Variants in RET observed in about 807,000 individuals in gnomAD.
RET encodes ret proto-oncogene, also known as proto-oncogene tyrosine-protein kinase receptor Ret.
Under a neutral mutation model 118.3 loss-of-function variants are expected in RET, and 19 were observed. The observed-to-expected ratio is 0.16, with a 90% CI of 0.11 to 0.24. The LOEUF (loss-of-function observed/expected upper bound fraction) is 0.24. Among genes scored for constraint, RET ranks in the 10% least tolerant of loss-of-function variants. The pLI, the probability that RET is intolerant of heterozygous loss-of-function variation, is 1.00. For synonymous variants in RET, 597 were observed against 644.1 expected, an observed-to-expected ratio of 0.93 and a Z score of 1.11; for missense variants, 1,219 against 1,502.1, an observed-to-expected ratio of 0.81 and a Z score of 3.12.
At chr10:43,111,184 G>GGTGTT in intron 6 of RET, 23 bp from the exon 7 acceptor site, 1 of 1,613,054 alleles carries the variant, frequency 6.2e-7, no homozygotes, top group Non-Finnish European at 8.5e-7. Flanking sequence ...GCCTGGCTAA[G>GGTGTT]GTGTTCCCCT....
Position 43,126,734 on chromosome 10 carries a change from C to A in RET, c.3187+12C>A, listed in dbSNP as rs897706317. On this transcript the variant is annotated intron_variant, in intron 19 of 19. Transcript: ENST00000355710. ...AAACAAACTCTATGGTAGAATTTCC[C>A]ATGCATTTACTAGATTCTAGCACCG... 6.2e-7 allele frequency: 1 copy of A among 1,613,724 alleles called. No homozygotes were observed. Among genetic ancestry groups the A allele is most frequent in the East Asian group, 2.2e-5 (1 of 44,880 alleles).
chr10:43,107,574 C>G (rs1304261043), intron 5 of RET, among the ~76,000 whole-genome samples: 3 of 149,610 alleles, frequency 2.0e-5, no homozygotes, highest in African/African-American at 7.6e-5. Context: ...CACACACACA[C>G]ACACACACAC....
rs1372812806 is a variant in RET, at chr10:43,122,501, C to T, written c.2801+485C>T. Among the ~76,000 whole-genome samples, 11 of 152,296 alleles carry T rather than the reference C, an allele frequency of 7.2e-5. No individual in the cohort carries two copies. The South Asian group carries it at 2.1e-3, about 29-fold the overall frequency. On this transcript the variant is annotated intron_variant, in intron 16 of 19. Coordinates refer to ENST00000355710, the MANE Select transcript of RET (RefSeq NM_020975.6). Reference sequence around the variant, plus strand: ...GCCCCAAACTGCTCAAAGGTGGAAGCCAAAATCTCATTCTTCCAGGTCCAA... The same window carrying T: ...GCCCCAAACTGCTCAAAGGTGGAAGTCAAAATCTCATTCTTCCAGGTCCAA...
intron 10 of RET, among the ~76,000 whole-genome samples, 169 bp downstream of exon 10, chr10:43,113,844 G>A (rs1240934344): frequency 6.6e-6 from 1 of 152,194 alleles, no homozygotes; most frequent in Non-Finnish European, 1.5e-5. Flanking sequence ...AGGGGCCAGG[G>A]CCCCTGTAAA....
intron 1 of RET, among the ~76,000 whole-genome samples, chr10:43,098,638 T>C (rs1225554592): frequency 6.6e-6 from 1 of 152,208 alleles, no homozygotes; most frequent in Admixed American, 6.5e-5. Flanking sequence ...GCTAGGCTGA[T>C]CTTAAACTCC....
intron 1 of RET, among the ~76,000 whole-genome samples, chr10:43,090,906 G>A (rs1421258607): frequency 2.0e-5 from 3 of 150,764 alleles, no homozygotes; most frequent in East Asian, 2.0e-4. Context: ...GGGCGCTCTC[G>A]TGCCTGGATG....
intron 1 of RET, among the ~76,000 whole-genome samples, chr10:43,093,613 A>T (rs1002414694): frequency 1.3e-4 from 20 of 152,110 alleles, no homozygotes; most frequent in Non-Finnish European, 2.4e-4. Flanking sequence ...CAGAGGAGGA[A>T]ACCAGCCGAG....
At chr10:43,119,814 C>A in intron 14 of RET, 69 bp downstream of exon 14, 1 of 1,509,534 alleles carries the variant, frequency 6.6e-7, no homozygotes, top group Non-Finnish European at 9.1e-7. Context: ...ACGCCCCTGC[C>A]ACCCACACCC....
Position 43,121,876 on chromosome 10 carries a change from C to T in RET, c.2731-70C>T, listed in dbSNP as rs1662220941. On this transcript the variant is annotated intron_variant, in intron 15 of 19. Transcript: ENST00000355710. ...CTGAAAGCTCAGGGATAGGGCCTGG[C>T]CTTCTCCTTTACCCCTCCTTCCTAG... is the stretch of plus-strand genomic sequence containing the variant. The T allele has an allele frequency of 5.9e-6, 7 of 1,177,996 alleles. No homozygotes were observed. The South Asian group carries it at 7.3e-5, about 12-fold the overall frequency. The allele number at this position is 1,177,996 out of a possible 1,614,324, so 73.0% of individuals were successfully genotyped here.
intron 8 of RET, 143 bp from the exon 9 acceptor site, chr10:43,112,710 C>T (rs944428287): frequency 2.7e-5 from 19 of 716,578 alleles, no homozygotes; most frequent in African/African-American, 1.4e-4. Flanking sequence ...AGGATGCTTC[C>T]GCTGGCAAGG....
At chr10:43,126,363 A>G (rs900814326) in intron 18 of RET, among the ~76,000 whole-genome samples, 5 of 152,184 alleles carry the variant, frequency 3.3e-5, no homozygotes, top group African/African-American at 1.2e-4. Flanking sequence ...GACAACACCC[A>G]GGGGAGTGAT....
intron 2 of RET, among the ~76,000 whole-genome samples, chr10:43,101,262 A>C (rs1401210765): frequency 6.6e-6 from 1 of 152,156 alleles, no homozygotes; most frequent in Non-Finnish European, 1.5e-5. Context: ...GGGGAAGCAG[A>C]GCCCCTGTGA....
rs1564498550 is a variant in RET at position 43,119,511 on chromosome 10, C to T, written c.2393-20C>T. On this transcript the variant is annotated intron_variant, in intron 13 of 19. Coordinates refer to ENST00000355710, the MANE Select transcript of RET (RefSeq NM_020975.6). The stretch of plus-strand genomic sequence containing the variant: ...AGCTGCCTGACCCGCACGCCCAGGG[C>T]CCCCTCTCTCCGCCCCCAGGCCCGC... 1.3e-6 allele frequency: 2 copies of T among 1,579,744 alleles called. No homozygotes were observed. Among genetic ancestry groups the T allele is most frequent in the East Asian group, 4.6e-5 (2 of 43,030 alleles).
chr10:43,116,672 C>T lies in RET; in HGVS notation c.2225C>T (p.Thr742Met), dbSNP rs773256580. ...EGEFGKVVKA[T>M]AFHLKGRAGY... Reference sequence around the variant, plus strand: ...GAATTTGGAAAAGTGGTCAAGGCAACGGCCTTCCATCTGAAAGGCAGAGCA... The same window carrying T: ...GAATTTGGAAAAGTGGTCAAGGCAATGGCCTTCCATCTGAAAGGCAGAGCA... The change falls in exon 12 of 20, where the codon ACG becomes ATG. Residue 742 changes from threonine to methionine, a missense_variant. Around this residue, in one of 5 missense-constraint regions of RET, gnomAD observed 850 missense variants for 969.6 expected, o/e 0.88. Coordinates refer to ENST00000355710, the MANE Select transcript of RET (RefSeq NM_020975.6). 28 of 1,614,184 alleles carry T rather than the reference C, an allele frequency of 1.7e-5. No individual in the cohort carries two copies. The highest frequency in any genetic ancestry group is 3.3e-5 in the South Asian group (3 of 91,090).
At chr10:43,113,269 G>A (rs1171815329) in intron 9 of RET, among the ~76,000 whole-genome samples, 4 of 152,196 alleles carry the variant, frequency 2.6e-5, no homozygotes, top group Non-Finnish European at 2.9e-5. Flanking sequence ...TGAGCCAGAC[G>A]AGGGACACTG....
At chr10:43,091,426 C>T (rs1193908627) in intron 1 of RET, among the ~76,000 whole-genome samples, 8 of 151,900 alleles carry the variant, frequency 5.3e-5, no homozygotes, top group Admixed American at 4.6e-4. Flanking sequence ...GTCAGGAGTT[C>T]GAAAGCAGCC....
At chr10:43,089,285 C>T (rs976995861) in intron 1 of RET, among the ~76,000 whole-genome samples, 1 of 152,202 alleles carries the variant, frequency 6.6e-6, no homozygotes, top group South Asian at 2.1e-4. Flanking sequence ...GGGTCTCCAG[C>T]CTTAGGGTCT....
intron 3 of RET, 116 bp downstream of exon 3, chr10:43,102,745 C>A (rs1260237796): frequency 1.5e-6 from 2 of 1,319,924 alleles, no homozygotes; most frequent in Non-Finnish European, 2.1e-6. Context: ...TCAGTTCATT[C>A]AATATTCCAG....
chr10:43,083,631 G>A (rs904150954), intron 1 of RET, among the ~76,000 whole-genome samples: 1 of 151,770 alleles, frequency 6.6e-6, no homozygotes, highest in Middle Eastern at 3.2e-3. Context: ...AGGACGCGGG[G>A]ATGGGGGCAC....
Sources: allele counts gnomAD v4.1 joint callset (sites outside exome capture counted in the v4.1 genomes callset), GRCh38; gene constraint gnomAD v4.1.1; regional missense constraint gnomAD v4.1.1; transcripts MANE v1.5; gene names NCBI Gene and HGNC (gene_info 2026-07-23, HGNC 2026-07-21).